ADGRE2: variants seen among roughly 807,000 people sequenced by gnomAD.
The protein encoded by ADGRE2 is CD97 antigen.
A neutral mutation model predicts 100.8 loss-of-function variants in ADGRE2; 83 were observed. That is an observed-to-expected ratio of 0.82 (90% CI 0.69 to 0.99). The LOEUF (loss-of-function observed/expected upper bound fraction) is 0.99, where lower values mean the gene tolerates loss of function less well. Among genes scored for constraint, ADGRE2 ranks in the 50% least tolerant of loss-of-function variants. ADGRE2 has a pLI of 0.00. For missense variants in ADGRE2, 814 were observed against 1,035.7 expected (o/e 0.79, Z 2.94); for synonymous variants, 355 against 413.0 (o/e 0.86, Z 1.70).
At position 14,773,979 on chromosome 19, in the gene ADGRE2, G is replaced by C; in HGVS notation, c.158C>G (p.Ser53Cys). 6.2e-7 allele frequency: 1 copy of C among 1,614,092 alleles called. No homozygotes were observed. Among genetic ancestry groups the C allele is most frequent in the Non-Finnish European group, 8.5e-7 (1 of 1,180,022 alleles). The change falls in exon 4 of 21, where the codon TCT becomes TGT. Residue 53 changes from serine to cysteine, a missense_variant. Around this residue, in one of 5 missense-constraint regions of ADGRE2, gnomAD observed 143 missense variants for 160.3 expected, o/e 0.89. Transcript: ENST00000315576. ...GGGGGTGGTGATGATCTCAGAAAAA[G>C]AGCTGAACCCTGGATTGCAGCGACA... ...TACRCNPGFS[S>C]FSEIITTPME... is the part of the protein sequence containing the mutation.
At chr19:14,758,252 A>G (rs2043571349) in intron 11 of ADGRE2, among the ~76,000 whole-genome samples, 1 of 152,276 alleles carries the variant, frequency 6.6e-6, no homozygotes, top group Non-Finnish European at 1.5e-5. Context: ...ACGGGAGAAA[A>G]TATTTTGCAA....
At position 14,772,365 on chromosome 19, in the gene ADGRE2, T is replaced by A; in HGVS notation, c.332A>T (p.Asn111Ile). The A allele has an allele frequency of 6.2e-7, 1 of 1,614,104 alleles. No individual in the cohort carries two copies. The highest frequency in any genetic ancestry group is 8.5e-7 in the Non-Finnish European group (1 of 1,180,028). ...ACCTTGACACGTGTTCTCGCTCTCA[T>A]TCTTGAATGTTTTTGCCCCAGAAAC... Reference protein sequence around the residue: ...EPVSGAKTFKNESENTCQDVD... With the variant: ...EPVSGAKTFKIESENTCQDVD... The change falls in exon 5 of 21, where the codon AAT becomes ATT. Residue 111 changes from asparagine to isoleucine, a missense_variant. By Grantham distance (149) the Asn-to-Ile change is moderately radical. Coordinates refer to ENST00000315576, the MANE Select transcript of ADGRE2 (RefSeq NM_013447.4).
intron 7 of ADGRE2, 143 bp from the exon 8 acceptor site, chr19:14,765,947 T>C: frequency 8.2e-7 from 1 of 1,225,282 alleles, no homozygotes; most frequent in Non-Finnish European, 1.2e-6. Flanking sequence ...TGGAGAGGCC[T>C]GGGCACAGCA....
At chr19:14,767,242 C>CT (rs55841640) in intron 5 of ADGRE2, 133 bp from the exon 6 acceptor site, 33,543 of 1,167,846 alleles carry the variant, frequency 0.029, 3 homozygotes, top group South Asian at 0.031. Flanking sequence ...TTCTTTCTTT[C>CT]TTTTTTTTTT....
intron 11 of ADGRE2, among the ~76,000 whole-genome samples, chr19:14,759,503 A>ATAT (rs60789454): frequency 0.013 from 1,731 of 133,374 alleles, 39 homozygotes; most frequent in East Asian, 0.056. Context: ...ATATATATAT[A>ATAT]TTTTTTTTTT....
the ADGRE2 span, among the ~76,000 whole-genome samples, chr19:14,726,194 C>A: frequency 6.6e-6 from 1 of 152,312 alleles, no homozygotes; most frequent in Middle Eastern, 3.4e-3. Context: ...TGAGCCAAGG[C>A]TGGAGCCTTG....
At chr19:14,771,500 A>G (rs2044206064) in intron 5 of ADGRE2, among the ~76,000 whole-genome samples, 1 of 152,172 alleles carries the variant, frequency 6.6e-6, no homozygotes, top group South Asian at 2.1e-4. Context: ...GCAGTGTGGA[A>G]TAAGACCATG....
Position 14,755,639 on chromosome 19 carries a change from T to C in ADGRE2, c.1416+15A>G. The C allele has an allele frequency of 6.2e-7, 1 of 1,611,418 alleles. No homozygotes were observed. The highest frequency in any genetic ancestry group is 1.1e-5 in the South Asian group (1 of 91,024). On this transcript the variant is annotated intron_variant, in intron 13 of 20. Coordinates refer to ENST00000315576, the MANE Select transcript of ADGRE2 (RefSeq NM_013447.4). ...TCAGACTATTCACCCACCAACCAAC[T>C]CCACCAGCACTCACACGGTGGGAGA... is the stretch of plus-strand genomic sequence containing the variant.
intron 7 of ADGRE2, 115 bp from the exon 8 acceptor site, chr19:14,765,919 C>A (rs973043904): frequency 1.9e-6 from 3 of 1,572,188 alleles, no homozygotes; most frequent in Non-Finnish European, 2.6e-6. Context: ...GAGAGGTGGA[C>A]GCTGGGTTAT....
At chr19:14,758,700 C>G (rs1209643453) in intron 11 of ADGRE2, among the ~76,000 whole-genome samples, 1 of 151,944 alleles carries the variant, frequency 6.6e-6, no homozygotes, top group African/African-American at 2.4e-5. Context: ...CTGGATAACA[C>G]GGTGAAACCC....
chr19:14,759,495 A>AT (rs1387373843), intron 11 of ADGRE2, among the ~76,000 whole-genome samples: 1 of 83,320 alleles, frequency 1.2e-5, no homozygotes, highest in African/African-American at 4.8e-5. Flanking sequence ...ATACATATAT[A>AT]TATATATATT....
rs749136916 is a variant in ADGRE2 at position 14,746,911 on chromosome 19, G to C, written c.2076C>G (p.Val692=). The part of the protein sequence containing the change: ...KGFIWGFLGP[V]CAIFSVNLVL... ...TGTCACTCACAGAGAAGATGGCGCA[G>C]ACAGGTCCAAGGAAGCCCCATATAA... Residue 692 remains valine, a synonymous_variant, in exon 17 of 21, where the codon GTC becomes GTG. Transcript: ENST00000315576. 5 of 1,613,836 alleles carry C rather than the reference G, an allele frequency of 3.1e-6. No homozygotes were observed. The Admixed American group carries it at 8.3e-5, about 27-fold the overall frequency.
the ADGRE2 span, among the ~76,000 whole-genome samples, chr19:14,724,202 C>G: frequency 6.6e-6 from 1 of 152,132 alleles, no homozygotes; most frequent in Non-Finnish European, 1.5e-5. Context: ...GGTCTGGGGA[C>G]AAAACAAGAA....
intron 11 of ADGRE2, among the ~76,000 whole-genome samples, chr19:14,757,445 G>C (rs376636302): frequency 6.6e-6 from 1 of 152,112 alleles, no homozygotes; most frequent in East Asian, 1.9e-4. Flanking sequence ...GAACAAGAAG[G>C]TTGGAGAATT....
intron 20 of ADGRE2, chr19:14,741,753 G>T (rs913032899): frequency 2.5e-5 from 7 of 285,614 alleles, no homozygotes; most frequent in African/African-American, 4.4e-5. Flanking sequence ...CCAAAGTGCT[G>T]GGATTACAGG....
intron 12 of ADGRE2, 145 bp downstream of exon 12, chr19:14,756,093 C>A: frequency 1.3e-6 from 1 of 764,288 alleles, no homozygotes; most frequent in Non-Finnish European, 2.2e-6. Context: ...AAGGTCCGTT[C>A]CTCCTCAGCT....
chr19:14,747,130 G>A (rs927897153), intron 16 of ADGRE2, among the ~76,000 whole-genome samples, 168 bp from the exon 17 acceptor site: 4 of 152,090 alleles, frequency 2.6e-5, no homozygotes, highest in Non-Finnish European at 5.9e-5. Context: ...ATACAGTGGT[G>A]GAGAAAATGA....
At chr19:14,749,176 A>G (rs1316965929) in intron 16 of ADGRE2, among the ~76,000 whole-genome samples, 1 of 60,192 alleles carries the variant, frequency 1.7e-5, no homozygotes, top group Non-Finnish European at 2.8e-5. Context: ...ATATATAACC[A>G]TATAATTATA....
intron 18 of ADGRE2, 27 bp from the exon 19 acceptor site, chr19:14,743,811 T>G (rs200734533): frequency 7.5e-5 from 120 of 1,609,560 alleles, no homozygotes; most frequent in Non-Finnish European, 9.6e-5. Flanking sequence ...AGGAGGCTGG[T>G]GATGCACCCA....
Sources: gnomAD v4.1 joint callset for allele counts (sites outside exome capture counted in the v4.1 genomes callset) on GRCh38, gnomAD v4.1.1 for gene constraint, gnomAD v4.1.1 regional missense constraint, MANE v1.5 for transcripts, NCBI Gene and HGNC (gene_info 2026-07-23, HGNC 2026-07-21) for gene names.